Variants in POU5F1 observed in about 807,000 individuals in gnomAD.
The protein encoded by POU5F1 is POU class 5 homeobox 1, also known as POU domain, class 5, transcription factor 1.
A neutral mutation model predicts 38.3 loss-of-function variants in POU5F1; 6 were observed. The observed-to-expected ratio is 0.16, with a 90% CI of 0.09 to 0.31. The LOEUF is 0.31. Ranked by LOEUF, POU5F1 falls within the 10% of genes least tolerant of loss-of-function variation. The pLI, the probability that POU5F1 is intolerant of heterozygous loss-of-function variation, is 1.00. For missense variants in POU5F1, 286 were observed against 462.6 expected (o/e 0.62, Z 3.50); for synonymous variants, 147 against 194.9 (o/e 0.75, Z 2.05).
chr6:31,165,076 G>A lies in POU5F1; in HGVS notation c.816+52C>T, dbSNP rs888907261. 3.0e-5 allele frequency: 47 copies of A among 1,585,286 alleles called. No homozygotes were observed. The Middle Eastern group carries it at 5.2e-4, about 18-fold the overall frequency. ...TGGAGGAGCCAGAGCTAGGGAAAGC[G>A]AGGTGGTGACAGGGGAAAGAGATGG... is the stretch of plus-strand genomic sequence containing the variant. On this transcript the variant is annotated intron_variant, in intron 4 of 4. Transcript: ENST00000259915. This position sits in a 1 kb window ranked among gnomAD's most constrained non-coding sequence, Gnocchi z 6.5.
chr6:31,167,076 A>G (rs1777325278), intron 1 of POU5F1: 1 of 528,032 alleles, frequency 1.9e-6, no homozygotes, highest in Non-Finnish European at 3.6e-6. Context: ...AAGTGGACAA[A>G]GAGCCCTGAC....
intron 1 of POU5F1, among the ~76,000 whole-genome samples, chr6:31,167,777 G>A (rs1363420137): frequency 6.6e-6 from 1 of 152,046 alleles, no homozygotes; most frequent in Non-Finnish European, 1.5e-5. Flanking sequence ...ATGGAGGAGG[G>A]TGACACTTTT....
rs1429225310 is a variant in POU5F1, at chr6:31,166,801, ATG to A, written c.406-756_406-755del. 1.3e-5 allele frequency: 15 copies of A among 1,181,854 alleles called. No individual in the cohort carries two copies. In the African/African-American group the frequency reaches 2.4e-4, roughly 19 times the overall value. 73.2% of individuals were successfully genotyped at this position (1,181,854 alleles called of 1,614,324 possible). On this transcript the variant is annotated intron_variant, in intron 1 of 4. Transcript: ENST00000259915. ...GGGTTAATTAAAAAGGAAGAGCATC[ATG>A]TCTCAGAAGCTAAATTCAGTATATA...
intron 1 of POU5F1, chr6:31,166,858 A>G (rs1777303249): frequency 1.6e-6 from 2 of 1,257,314 alleles, no homozygotes; most frequent in South Asian, 1.6e-5. Context: ...AGGGTCCCAC[A>G]AACTATAACA....
Position 31,170,457 on chromosome 6 carries a change from G to C in POU5F1, c.164C>G (p.Ser55Cys). ...GCATGGGGGAATCCCCCACACCTCAGAGCCTGGCCCAACCCCCGGCCCGAT... is the reference window on the plus strand; with the variant it reads ...GCATGGGGGAATCCCCCACACCTCACAGCCTGGCCCAACCCCCGGCCCGAT... ...PGIGPGVGPG[S>C]EVWGIPPCPP... The change falls in exon 1 of 5, where the codon TCT becomes TGT. Residue 55 changes from serine to cysteine, a missense_variant. By Grantham distance (112) the Ser-to-Cys change is moderately radical. This residue lies in a region of POU5F1 where 176 missense variants were observed against 184.8 expected (regional missense o/e 0.95). Transcript: ENST00000259915. 6.2e-7 allele frequency: 1 copy of C among 1,609,418 alleles called. No homozygotes were observed. Among genetic ancestry groups the C allele is most frequent in the Non-Finnish European group, 8.5e-7 (1 of 1,178,678 alleles).
chr6:31,168,431 C>T (rs141715528), intron 1 of POU5F1, among the ~76,000 whole-genome samples: 13,127 of 152,092 alleles, frequency 0.086, 675 homozygotes, highest in Middle Eastern at 0.16. Context: ...GATGGGGTTT[C>T]GCCATGTTGG....
At chr6:31,167,089 C>T in intron 1 of POU5F1, 1 of 508,502 alleles carries the variant, frequency 2.0e-6, no homozygotes, top group South Asian at 1.7e-5. Flanking sequence ...GCCCTGACAT[C>T]CAGCATGACA....
chr6:31,165,408 G>A lies in POU5F1; in HGVS notation c.658-122C>T, dbSNP rs925467883. 6.4e-7 allele frequency: 1 copy of A among 1,560,054 alleles called. No homozygotes were observed. Among genetic ancestry groups the A allele is most frequent in the African/African-American group, 1.4e-5 (1 of 73,822 alleles). On this transcript the variant is annotated intron_variant, in intron 3 of 4. Coordinates refer to ENST00000259915, the MANE Select transcript of POU5F1 (RefSeq NM_002701.6). The surrounding 1 kb of genome is among the most constrained non-coding windows in gnomAD (Gnocchi z 6.5). ...TGGTGGTGTGAAAAGGCAGGATCCT[G>A]GAAGGGTTGGCTCTGGACCTTATCC... is the stretch of plus-strand genomic sequence containing the variant.
intron 1 of POU5F1, 62 bp from the exon 2 acceptor site, chr6:31,166,109 T>C (rs780099361): frequency 6.2e-7 from 1 of 1,614,166 alleles, no homozygotes; most frequent in Non-Finnish European, 8.5e-7. Context: ...AATCTCCCCT[T>C]TCCATTCGGG....
chr6:31,169,922 C>T (rs969333672), intron 1 of POU5F1: 1 of 533,286 alleles, frequency 1.9e-6, no homozygotes, highest in Non-Finnish European at 3.3e-6. Context: ...TGTGAGAGAC[C>T]CTGACAAGGG....
In POU5F1 at chr6:31,170,607, A is replaced by C. The variant is rs1264395415; in HGVS notation, c.14T>G (p.Leu5Arg). 6.4e-7 allele frequency: 1 copy of C among 1,555,980 alleles called. No individual in the cohort carries two copies. The highest frequency in any genetic ancestry group is 1.2e-5 in the South Asian group (1 of 84,706). Residue 5 changes from leucine to arginine, a missense_variant, in exon 1 of 5, where the codon CTG becomes CGG. Physicochemically the swap from Leu to Arg is moderately radical, Grantham distance 102. Transcript: ENST00000259915. ...GGGCGAGAAGGCGAAATCCGAAGCC[A>C]GGTGTCCCGCCATGGGGAAGGAAGG... MAGH[L>R]ASDFAFSPPP...
intron 1 of POU5F1, among the ~76,000 whole-genome samples, chr6:31,168,101 G>A (rs142242725): frequency 0.086 from 13,136 of 152,034 alleles, 677 homozygotes; most frequent in Middle Eastern, 0.16. Context: ...CACCATGCCC[G>A]GCTAATTTTT....
intron 1 of POU5F1, chr6:31,166,899 A>C: frequency 3.0e-6 from 4 of 1,316,376 alleles, no homozygotes; most frequent in Non-Finnish European, 4.0e-6. Flanking sequence ...ACAGCAAAAA[A>C]GTAACAGGTG....
chr6:31,165,703 T>C lies in POU5F1; in HGVS notation c.527-2A>G. ...TGGTCGTTTGGCTGAATACCTTCCCTGGGGGAGGCCAGTCAAAAGAGAAGC... is the reference window on the plus strand; with the variant it reads ...TGGTCGTTTGGCTGAATACCTTCCCCGGGGGAGGCCAGTCAAAAGAGAAGC... On this transcript the variant is annotated splice_acceptor_variant, in intron 2 of 4. Transcript: ENST00000259915. LOFTEE classifies it high-confidence loss of function. This position sits in a 1 kb window ranked among gnomAD's most constrained non-coding sequence, Gnocchi z 6.5. 1 of 1,609,714 alleles carries C rather than the reference T, an allele frequency of 6.2e-7. No homozygotes were observed. The highest frequency in any genetic ancestry group is 8.5e-7 in the Non-Finnish European group (1 of 1,177,892).
chr6:31,164,628 A>G lies in POU5F1; in HGVS notation c.1056T>C (p.Thr352=). ...GEAFPPVSVT[T]LGSPMHSN ...AGTTTGAATGCATGGGAGAGCCCAG[A>G]GTGGTGACGGAGACAGGGGGAAAGG... Residue 352 remains threonine, a synonymous_variant, in exon 5 of 5, where the codon ACT becomes ACC. Transcript: ENST00000259915. The G allele has an allele frequency of 6.3e-7, 1 of 1,582,702 alleles. No homozygotes were observed. The highest frequency in any genetic ancestry group is 1.3e-5 in the African/African-American group (1 of 74,460).
chr6:31,166,953 T>A, intron 1 of POU5F1: 1 of 1,039,576 alleles, frequency 9.6e-7, no homozygotes, highest in South Asian at 1.4e-5. Flanking sequence ...TACTCATTTT[T>A]TAAATTGATT....
In POU5F1 at chr6:31,170,242, CCTT is replaced by C. The variant is rs748004013; in HGVS notation, c.376_378del (p.Lys126del). 15 of 1,612,822 alleles carry C rather than the reference CCTT, an allele frequency of 9.3e-6. No individual in the cohort carries two copies. Among genetic ancestry groups the C allele is most frequent in the East Asian group, 2.2e-5 (1 of 44,892 alleles). On this transcript the variant is annotated inframe_deletion, in exon 1 of 5. Transcript: ENST00000259915. ...TCCTCCGGGTTTTGCTCCAGCTTCT[CCTT>C]CTCCAGCTTCACGGCACCAGGGGTG...
Position 31,170,347 on chromosome 6 carries a change from T to A in POU5F1, c.274A>T (p.Thr92Ser), listed in dbSNP as rs1192684171. 6.2e-7 allele frequency: 1 copy of A among 1,612,536 alleles called. No homozygotes were observed. The highest frequency in any genetic ancestry group is 8.5e-7 in the Non-Finnish European group (1 of 1,179,778). Residue 92 changes from threonine (T) to serine (S), a missense_variant, in exon 1 of 5, where the codon ACC becomes TCC. By Grantham distance (58) the Thr-to-Ser change is moderately conservative. Coordinates refer to ENST00000259915, the MANE Select transcript of POU5F1 (RefSeq NM_002701.6). ...VGLVPQGGLETSQPEGEAGVG... is the reference protein window; with the variant it reads ...VGLVPQGGLESSQPEGEAGVG... ...CCTGCTTCGCCCTCAGGCTGAGAGG[T>A]CTCCAAGCCGCCTTGGGGCACTAGC... is the stretch of plus-strand genomic sequence containing the variant.
Position 31,165,882 on chromosome 6 carries a change from TCCTTAGAGGGGAGA to T in POU5F1, c.526+31_526+44del. ...CCCTCCCCACTAGGTTCAGGGATAC[TCCTTAGAGGGGAGA>T]TGCGGTCAGAATCTGCAGAGGGGAA... On this transcript the variant is annotated intron_variant, in intron 2 of 4. Transcript: ENST00000259915. This position sits in a 1 kb window ranked among gnomAD's most constrained non-coding sequence, Gnocchi z 6.5. 6.2e-7 allele frequency: 1 copy of T among 1,612,252 alleles called. No homozygotes were observed. Among genetic ancestry groups the T allele is most frequent in the Non-Finnish European group, 8.5e-7 (1 of 1,178,860 alleles).
Sources: gnomAD v4.1 joint callset for allele counts (sites outside exome capture counted in the v4.1 genomes callset) on GRCh38, gnomAD v4.1.1 for gene constraint, gnomAD v4.1.1 regional missense constraint, Gnocchi (gnomAD v3.1) non-coding constraint, MANE v1.5 for transcripts, NCBI Gene and HGNC (gene_info 2026-07-23, HGNC 2026-07-21) for gene names.